AKAP6: variants seen among roughly 807,000 people sequenced by gnomAD.
AKAP6 encodes the protein A-kinase anchor protein 6.
AKAP6 carries 58 observed loss-of-function variants against 188.5 expected under a neutral mutation model. The ratio of observed to expected loss-of-function variants is 0.31; its 90% CI spans 0.25 to 0.38. The LOEUF (loss-of-function observed/expected upper bound fraction) is 0.38, where lower values mean the gene tolerates loss of function less well. Ranked by LOEUF, AKAP6 falls within the 10% of genes least tolerant of loss-of-function variation. The probability of loss-of-function intolerance (pLI) is 1.00; values close to 1 mark genes in which losing one functional copy is unlikely to be tolerated. For synonymous variants in AKAP6, 989 were observed against 998.6 expected, an observed-to-expected ratio of 0.99 and a Z score of 0.18; for missense variants, 2,710 against 2,740.0, an observed-to-expected ratio of 0.99 and a Z score of 0.24.
chr14:32,348,859 T>G (rs1465489646), intron 1 of AKAP6, among the ~76,000 whole-genome samples: 1 of 152,148 alleles, frequency 6.6e-6, no homozygotes, highest in Non-Finnish European at 1.5e-5. Flanking sequence ...TGGCCCTAAA[T>G]TTTTTACTTA....
chr14:32,357,424 A>G (rs1038583411), intron 1 of AKAP6, among the ~76,000 whole-genome samples: 21 of 152,324 alleles, frequency 1.4e-4, no homozygotes, highest in Non-Finnish European at 2.5e-4. Flanking sequence ...AGTTAGATAC[A>G]TTATTATTTT....
intron 2 of AKAP6, among the ~76,000 whole-genome samples, chr14:32,497,445 G>T (rs562243888): frequency 6.6e-6 from 1 of 152,136 alleles, no homozygotes; most frequent in African/African-American, 2.4e-5. Flanking sequence ...CTATAATTCA[G>T]TTGTGGTCAG....
chr14:32,784,979 A>G (rs1009296423), intron 12 of AKAP6, among the ~76,000 whole-genome samples: 7 of 152,102 alleles, frequency 4.6e-5, no homozygotes, highest in African/African-American at 1.7e-4. Context: ...GAAGAATCAT[A>G]TAAATGATTG....
At chr14:32,590,434 C>G (rs1301789835) in intron 5 of AKAP6, among the ~76,000 whole-genome samples, 1 of 152,080 alleles carries the variant, frequency 6.6e-6, no homozygotes, top group East Asian at 1.9e-4. Context: ...GGGCAAGACT[C>G]TGTCTCAGAA....
At chr14:32,643,107 T>C (rs1203123142) in intron 7 of AKAP6, among the ~76,000 whole-genome samples, 2 of 152,188 alleles carry the variant, frequency 1.3e-5, no homozygotes, top group African/African-American at 4.8e-5. Flanking sequence ...ATTAATGCTC[T>C]GAATCTCTTA....
At chr14:32,355,248 TTATAG>T (rs59289925) in intron 1 of AKAP6, among the ~76,000 whole-genome samples, 22,608 of 152,144 alleles carry the variant, frequency 0.15, 1,918 homozygotes, top group East Asian at 0.37. Context: ...ATTTATTTTC[TTATAG>T]TATAGACCAT....
intron 12 of AKAP6, among the ~76,000 whole-genome samples, chr14:32,796,158 G>C (rs1201300281): frequency 6.6e-6 from 1 of 152,138 alleles, no homozygotes; most frequent in East Asian, 1.9e-4. Context: ...AACATTCCAT[G>C]CTCATGGATA....
At chr14:32,466,037 C>T (rs1264473562) in intron 2 of AKAP6, among the ~76,000 whole-genome samples, 1 of 152,214 alleles carries the variant, frequency 6.6e-6, no homozygotes, top group Non-Finnish European at 1.5e-5. Context: ...TACCACCTCA[C>T]ACCAGTTAGA....
At chr14:32,329,858 A>G (rs1886474525) in intron 1 of AKAP6, among the ~76,000 whole-genome samples, 2 of 152,210 alleles carry the variant, frequency 1.3e-5, no homozygotes, top group Middle Eastern at 3.4e-3. Flanking sequence ...GTTGGGTTTC[A>G]GTTTCTTCAT....
At chr14:32,361,331 T>C (rs772969988) in intron 1 of AKAP6, among the ~76,000 whole-genome samples, 1 of 151,880 alleles carries the variant, frequency 6.6e-6, no homozygotes, top group Non-Finnish European at 1.5e-5. Flanking sequence ...GTATGTATGT[T>C]TGAGGAGGAG....
intron 6 of AKAP6, among the ~76,000 whole-genome samples, chr14:32,600,342 C>A (rs112918133): frequency 1.6e-3 from 240 of 152,104 alleles, no homozygotes; most frequent in African/African-American, 5.3e-3. Context: ...AATTTTTATA[C>A]ATTGTGATTT....
intron 1 of AKAP6, among the ~76,000 whole-genome samples, chr14:32,343,709 T>C (rs574409050): frequency 8.1e-6 from 1 of 123,308 alleles, no homozygotes; most frequent in South Asian, 2.7e-4. Flanking sequence ...GATTGTGCCA[T>C]GCACTCCAGC....
intron 12 of AKAP6, among the ~76,000 whole-genome samples, chr14:32,796,698 GATACCATTCAGGACATAGCC>G (rs1167148314): frequency 1.3e-5 from 2 of 152,036 alleles, no homozygotes; most frequent in East Asian, 1.9e-4. Context: ...AAATCTAGGC[GATACCATTCAGGACATAGCC>G]ATACCATTCA....
intron 7 of AKAP6, among the ~76,000 whole-genome samples, chr14:32,610,745 T>C (rs1192156306): frequency 2.0e-5 from 3 of 152,256 alleles, no homozygotes; most frequent in Admixed American, 6.5e-5. Context: ...GTCAAAAGTA[T>C]GGAAAAGGGA....
chr14:32,786,301 T>A (rs867369233), intron 12 of AKAP6, among the ~76,000 whole-genome samples: 47 of 58,744 alleles, frequency 8.0e-4, no homozygotes, highest in Middle Eastern at 6.7e-3. Flanking sequence ...CCTTTATCTT[T>A]TTTTTTTTTT....
intron 2 of AKAP6, among the ~76,000 whole-genome samples, chr14:32,483,436 A>C (rs922686431): frequency 7.9e-5 from 12 of 151,816 alleles, no homozygotes; most frequent in African/African-American, 2.7e-4. Flanking sequence ...TTTATAGTGA[A>C]GTTTGATTTT....
At chr14:32,467,686 T>C (rs963235087) in intron 2 of AKAP6, among the ~76,000 whole-genome samples, 9 of 151,962 alleles carry the variant, frequency 5.9e-5, no homozygotes, top group Non-Finnish European at 1.3e-4. Flanking sequence ...TTTTCTTTGG[T>C]TGTTTGGATA....
chr14:32,450,493 G>T (rs1890903965), intron 2 of AKAP6, among the ~76,000 whole-genome samples: 1 of 152,118 alleles, frequency 6.6e-6, no homozygotes, highest in Non-Finnish European at 1.5e-5. Flanking sequence ...GGCATATTTT[G>T]TTTGAAATTT....
At chr14:32,575,568 T>C (rs966321723) in intron 4 of AKAP6, among the ~76,000 whole-genome samples, 2 of 149,092 alleles carry the variant, frequency 1.3e-5, no homozygotes, top group Non-Finnish European at 3.0e-5. Context: ...CAGTTTGTGA[T>C]TATGATGTCT....
Sources: allele counts gnomAD v4.1 joint callset (sites outside exome capture counted in the v4.1 genomes callset), GRCh38; gene constraint gnomAD v4.1.1; transcripts MANE v1.5; gene names NCBI Gene and HGNC (gene_info 2026-07-23, HGNC 2026-07-21).